CSMD1: variants seen among roughly 807,000 people sequenced by gnomAD.
The protein encoded by CSMD1 is CUB and Sushi multiple domains 1.
A neutral mutation model predicts 417.5 loss-of-function variants in CSMD1; 213 were observed. The observed-to-expected ratio is 0.51, with a 90% CI of 0.46 to 0.57. CSMD1 has a LOEUF of 0.57. Ranked by LOEUF, CSMD1 falls within the 20% of genes least tolerant of loss-of-function variation. CSMD1 has a pLI of 0.00. For missense variants in CSMD1, 6,923 were observed against 4,529.7 expected (o/e 1.53, Z -15.17); for synonymous variants, 2,862 against 1,736.8 (o/e 1.65, Z -16.11).
chr8:4,277,878 G>T (rs918088428), intron 3 of CSMD1, among the ~76,000 whole-genome samples: 34 of 152,126 alleles, frequency 2.2e-4, no homozygotes, highest in African/African-American at 7.5e-4. Flanking sequence ...CTCCCGAGTA[G>T]ATGGGACTAC....
In CSMD1 at chr8:4,762,771, G is replaced by A. The variant is rs147047987; in HGVS notation, c.86-125213C>T. Among the ~76,000 whole-genome samples, 771 of 152,134 alleles carry A rather than the reference G, an allele frequency of 5.1e-3. 9 individuals are homozygous for A. Among genetic ancestry groups the A allele is most frequent in the Middle Eastern group, 0.017 (5 of 294 alleles). ...TGCTCCTGCAGCCTGAATCTCCTCT[G>A]AGCTCTTTGAAATGAGGCCAAAAAA... On this transcript the variant is annotated intron_variant, in intron 1 of 69. Transcript: ENST00000635120.
chr8:4,232,476 G>C lies in CSMD1; in HGVS notation c.415+187477C>G, dbSNP rs1328104783. Among the ~76,000 whole-genome samples the C allele has an allele frequency of 3.3e-5, 5 of 152,156 alleles. No individual in the cohort carries two copies. In the South Asian group the frequency reaches 6.2e-4, roughly 19 times the overall value. On this transcript the variant is annotated intron_variant, in intron 3 of 69. Transcript: ENST00000635120. ...AGATTCCCAAAGTGCTGGGATTACA[G>C]GCATGAGCAACTGCGCCCAGCCACA...
intron 3 of CSMD1, among the ~76,000 whole-genome samples, chr8:4,347,819 T>C (rs1374847536): frequency 1.4e-5 from 2 of 145,726 alleles, no homozygotes; most frequent in Non-Finnish European, 3.0e-5. Flanking sequence ...TAAACAGATA[T>C]TATATCTTCT....
chr8:3,061,001 G>A lies in CSMD1; in HGVS notation c.7475-8354C>T, dbSNP rs962592825. On this transcript the variant is annotated intron_variant, in intron 49 of 69. Coordinates refer to ENST00000635120, the MANE Select transcript of CSMD1 (RefSeq NM_033225.6). ...ATGGTGTGAAACCATGATCAAATAT[G>A]CACATATATGTGTAGGAACTAAAGA... Among the ~76,000 whole-genome samples, 49 of 152,134 alleles carry A rather than the reference G, an allele frequency of 3.2e-4. 1 individual carries two copies. Among genetic ancestry groups the A allele is most frequent in the Non-Finnish European group, 5.9e-5 (4 of 68,028 alleles).
At chr8:3,822,504 C>T (rs1410411732) in intron 5 of CSMD1, among the ~76,000 whole-genome samples, 2 of 152,194 alleles carry the variant, frequency 1.3e-5, no homozygotes, top group Admixed American at 1.3e-4. Context: ...CTGCTAGGTA[C>T]TCATGCACAG....
intron 26 of CSMD1, among the ~76,000 whole-genome samples, chr8:3,245,038 A>ACC (rs1799787951): frequency 6.6e-6 from 1 of 152,192 alleles, no homozygotes; most frequent in Non-Finnish European, 1.5e-5. Context: ...ACAGGAGGGT[A>ACC]TTTTAGAAGG....
At chr8:3,493,060 G>A (rs1796201768) in intron 11 of CSMD1, among the ~76,000 whole-genome samples, 1 of 152,106 alleles carries the variant, frequency 6.6e-6, no homozygotes, top group South Asian at 2.1e-4. Flanking sequence ...TTGGGAGGCT[G>A]AAGTGGGCAA....
At chr8:3,805,700 T>A (rs79566058) in intron 5 of CSMD1, among the ~76,000 whole-genome samples, 2,291 of 152,226 alleles carry the variant, frequency 0.015, 60 homozygotes, top group African/African-American at 0.052. Flanking sequence ...GTTTCATTCT[T>A]TCCTATCTTT....
intron 1 of CSMD1, among the ~76,000 whole-genome samples, chr8:4,800,179 C>A (rs1798201159): frequency 6.6e-6 from 1 of 152,126 alleles, no homozygotes; most frequent in Non-Finnish European, 1.5e-5. Context: ...CGGCTCATGC[C>A]TATAACCCCA....
chr8:3,685,901 C>G (rs577497523), intron 7 of CSMD1, among the ~76,000 whole-genome samples: 6 of 152,176 alleles, frequency 3.9e-5, no homozygotes, highest in Admixed American at 2.6e-4. Context: ...GTTCGTGTTA[C>G]AAACAATCCA....
At chr8:3,458,851 G>A (rs893189576) in intron 12 of CSMD1, among the ~76,000 whole-genome samples, 4 of 152,140 alleles carry the variant, frequency 2.6e-5, no homozygotes, top group African/African-American at 9.7e-5. Flanking sequence ...TCAAGGACTC[G>A]AGGACACACA....
chr8:4,467,291 C>G (rs1195609342), intron 2 of CSMD1, among the ~76,000 whole-genome samples: 2 of 152,126 alleles, frequency 1.3e-5, no homozygotes, highest in East Asian at 3.9e-4. Flanking sequence ...CAATTCATGG[C>G]AAGGAAAGGA....
At chr8:4,281,887 G>A (rs1181645515) in intron 3 of CSMD1, among the ~76,000 whole-genome samples, 1 of 152,148 alleles carries the variant, frequency 6.6e-6, no homozygotes, top group Admixed American at 6.5e-5. Flanking sequence ...AAATGACAAG[G>A]CAAAGGCTTA....
At chr8:4,750,663 G>C (rs905758552) in intron 1 of CSMD1, among the ~76,000 whole-genome samples, 2 of 151,172 alleles carry the variant, frequency 1.3e-5, no homozygotes, top group East Asian at 1.9e-4. Context: ...AAGGAATCTA[G>C]TTTATTACAA....
At chr8:3,290,779 A>T (rs181632531) in intron 25 of CSMD1, among the ~76,000 whole-genome samples, 2 of 147,826 alleles carry the variant, frequency 1.4e-5, no homozygotes, top group Non-Finnish European at 2.9e-5. Flanking sequence ...CAACAGGGAC[A>T]ATTTGACTTC....
intron 11 of CSMD1, among the ~76,000 whole-genome samples, chr8:3,476,206 A>G (rs1053136926): frequency 6.6e-6 from 1 of 152,226 alleles, no homozygotes; most frequent in South Asian, 2.1e-4. Flanking sequence ...AAACAAAACA[A>G]GAGATGGATA....
At chr8:3,228,036 G>A (rs1343616871) in intron 27 of CSMD1, among the ~76,000 whole-genome samples, 2 of 152,042 alleles carry the variant, frequency 1.3e-5, no homozygotes, top group South Asian at 2.1e-4. Context: ...CTAAAGTGCT[G>A]GGATTACAGG....
intron 5 of CSMD1, among the ~76,000 whole-genome samples, chr8:3,865,159 G>A (rs1056164246): frequency 2.6e-5 from 4 of 152,174 alleles, no homozygotes; most frequent in Non-Finnish European, 4.4e-5. Flanking sequence ...CTCAGGCTCC[G>A]ATTCCTTGGG....
chr8:4,871,234 C>T (rs1258358064), intron 1 of CSMD1, among the ~76,000 whole-genome samples: 2 of 152,098 alleles, frequency 1.3e-5, no homozygotes, highest in South Asian at 4.1e-4. Context: ...TGGTCCAGAG[C>T]TAGCATGTGG....
Sources: gnomAD v4.1 joint callset for allele counts (sites outside exome capture counted in the v4.1 genomes callset) on GRCh38, gnomAD v4.1.1 for gene constraint, MANE v1.5 for transcripts, NCBI Gene and HGNC (gene_info 2026-07-23, HGNC 2026-07-21) for gene names.